The following CADPS variants were observed in gnomAD, a reference collection of about 807,000 sequenced individuals.
The protein encoded by CADPS is calcium dependent secretion activator.
CADPS carries 57 observed loss-of-function variants against 167.3 expected under a neutral mutation model. The observed-to-expected ratio is 0.34, with a 90% CI of 0.28 to 0.42. The LOEUF is 0.42. Ranked by LOEUF, CADPS falls within the 20% of genes least tolerant of loss-of-function variation. The pLI, the probability that CADPS is intolerant of heterozygous loss-of-function variation, is 1.00. For synonymous variants in CADPS, 676 were observed against 635.3 expected (o/e 1.06, Z -0.96); for missense variants, 1,414 against 1,738.1 (o/e 0.81, Z 3.32).
chr3:62,729,186 G>T (rs1658792), intron 3 of CADPS, among the ~76,000 whole-genome samples: 49,319 of 151,494 alleles, frequency 0.33, 9,099 homozygotes, highest in African/African-American at 0.48. Context: ...GTTTTCTTAG[G>T]ACCCAAATTG....
chr3:62,724,348 T>C (rs148863167), intron 3 of CADPS, among the ~76,000 whole-genome samples: 299 of 152,258 alleles, frequency 2.0e-3, no homozygotes, highest in African/African-American at 7.1e-3. Context: ...TGAGCACAAT[T>C]GCAATGGCAT....
chr3:62,690,628 T>TACCC (rs2078928592), intron 3 of CADPS, among the ~76,000 whole-genome samples: 1 of 151,762 alleles, frequency 6.6e-6, no homozygotes, highest in African/African-American at 2.4e-5. Flanking sequence ...TTCTGCTTGG[T>TACCC]ACCCACCAAC....
chr3:62,834,502 C>T (rs1321744274), intron 1 of CADPS, among the ~76,000 whole-genome samples: 2 of 152,042 alleles, frequency 1.3e-5, no homozygotes, highest in East Asian at 1.9e-4. Flanking sequence ...TGGATTTAGA[C>T]GTTTGTTAGA....
At chr3:62,682,666 G>A (rs992277539) in intron 3 of CADPS, among the ~76,000 whole-genome samples, 1 of 151,998 alleles carries the variant, frequency 6.6e-6, no homozygotes, top group African/African-American at 2.4e-5. Context: ...TAAAAAGGAT[G>A]GTACCAGAGG....
At chr3:62,816,115 C>T (rs1208174088) in intron 1 of CADPS, among the ~76,000 whole-genome samples, 1 of 152,112 alleles carries the variant, frequency 6.6e-6, no homozygotes, top group Non-Finnish European at 1.5e-5. Context: ...CTGACCTGCT[C>T]TTGCTATGAA....
intron 20 of CADPS, 115 bp from the exon 21 acceptor site, chr3:62,491,595 T>C: frequency 2.5e-6 from 2 of 814,656 alleles, no homozygotes; most frequent in Non-Finnish European, 3.7e-6. Flanking sequence ...AGATGATTGA[T>C]TGTCTTCTAC....
intron 4 of CADPS, among the ~76,000 whole-genome samples, chr3:62,651,307 A>G (rs185240141): frequency 5.3e-5 from 8 of 152,338 alleles, no homozygotes; most frequent in African/African-American, 1.9e-4. Context: ...ACATAAACAT[A>G]TAGTAAGAAA....
chr3:62,724,221 C>T (rs949592147), intron 3 of CADPS, among the ~76,000 whole-genome samples: 1 of 152,184 alleles, frequency 6.6e-6, no homozygotes, highest in Admixed American at 6.5e-5. Context: ...TGGAGACCAC[C>T]ACCTTTCCTG....
intron 3 of CADPS, among the ~76,000 whole-genome samples, chr3:62,683,559 T>C (rs751184430): frequency 2.3e-4 from 35 of 152,220 alleles, no homozygotes; most frequent in Non-Finnish European, 3.8e-4. Context: ...TAACATCTCA[T>C]GTTACCATGG....
At chr3:62,797,758 C>T (rs932599668) in intron 1 of CADPS, among the ~76,000 whole-genome samples, 5 of 151,890 alleles carry the variant, frequency 3.3e-5, no homozygotes, top group Non-Finnish European at 7.4e-5. Context: ...GTGTAACTGA[C>T]CCCCAGGACA....
intron 13 of CADPS, among the ~76,000 whole-genome samples, chr3:62,532,050 G>T (rs1392987121): frequency 6.6e-6 from 1 of 152,188 alleles, no homozygotes. Flanking sequence ...TAAATTAAAA[G>T]TGTTATCATC....
intron 1 of CADPS, among the ~76,000 whole-genome samples, chr3:62,862,527 G>T (rs2080997216): frequency 6.6e-6 from 1 of 152,030 alleles, no homozygotes; most frequent in South Asian, 2.1e-4. Context: ...AGTTTTCAGG[G>T]ATTCCTCTGA....
chr3:62,851,131 A>T (rs992358085), intron 1 of CADPS, among the ~76,000 whole-genome samples: 2 of 128,232 alleles, frequency 1.6e-5, no homozygotes, highest in Non-Finnish European at 3.4e-5. Context: ...TGCTTGGTAG[A>T]TCTTCCTCCA....
chr3:62,674,174 C>G (rs2075995916), intron 3 of CADPS, among the ~76,000 whole-genome samples: 1 of 152,100 alleles, frequency 6.6e-6, no homozygotes, highest in Admixed American at 6.6e-5. Context: ...TGTAAGAAAG[C>G]TCAAGTAGTA....
chr3:62,521,699 T>G (rs1440728772), intron 13 of CADPS, among the ~76,000 whole-genome samples: 2 of 152,192 alleles, frequency 1.3e-5, no homozygotes, highest in Non-Finnish European at 2.9e-5. Flanking sequence ...GTGTCCTGAC[T>G]GTGAATATTC....
rs747166558 is a variant in CADPS, at chr3:62,765,867, T to C, written c.555+4A>G. 4.4e-6 allele frequency: 7 copies of C among 1,593,624 alleles called. No homozygotes were observed. Among genetic ancestry groups the C allele is most frequent in the Non-Finnish European group, 6.0e-6 (7 of 1,162,010 alleles). On this transcript the variant is annotated splice_donor_region_variant and intron_variant, in intron 2 of 29. Transcript: ENST00000383710. ...TTGGCATTCTTCTGAACAGTGATTC[T>C]CACCTCATAGTAACTCTGCACAGCG... is the stretch of plus-strand genomic sequence containing the variant.
chr3:62,574,716 G>A (rs573020445), intron 8 of CADPS, among the ~76,000 whole-genome samples: 2 of 152,152 alleles, frequency 1.3e-5, no homozygotes, highest in Non-Finnish European at 2.9e-5. Flanking sequence ...GTGAAATGTT[G>A]GTCAAGATGC....
chr3:62,481,995 A>G lies in CADPS; in HGVS notation c.3027-126T>C. 5.6e-6 allele frequency: 5 copies of G among 892,976 alleles called. No individual in the cohort carries two copies. In the South Asian group the frequency reaches 7.7e-5, roughly 14 times the overall value. The allele number at this position is 892,976 out of a possible 1,614,324, so 55.3% of individuals were successfully genotyped here. A position where few individuals can be genotyped will look rare whatever the true frequency, so the allele number is the denominator to read the frequency against. ...CAAGACAACAGCAAAAACTCAAGCG[A>G]CACACTTCAGAAAGCAGCTTACAGA... On this transcript the variant is annotated intron_variant, in intron 21 of 29. Coordinates refer to ENST00000383710, the MANE Select transcript of CADPS (RefSeq NM_003716.4).
At chr3:62,636,569 G>A (rs141050331) in intron 6 of CADPS, among the ~76,000 whole-genome samples, 7 of 152,256 alleles carry the variant, frequency 4.6e-5, no homozygotes, top group Admixed American at 2.0e-4. Flanking sequence ...TGTCCTCCCC[G>A]AGGGCTCACA....
Sources: gnomAD v4.1 joint callset for allele counts (sites outside exome capture counted in the v4.1 genomes callset) on GRCh38, gnomAD v4.1.1 for gene constraint, MANE v1.5 for transcripts, NCBI Gene and HGNC (gene_info 2026-07-23, HGNC 2026-07-21) for gene names.